RALGAPA1: variants seen among roughly 807,000 people sequenced by gnomAD.
RALGAPA1 encodes the protein Ral GTPase activating protein catalytic subunit alpha 1.
In RALGAPA1, 52 loss-of-function variants were observed where a neutral mutation model predicts 269.6. That is an observed-to-expected ratio of 0.19 (90% CI 0.15 to 0.24). The LOEUF (loss-of-function observed/expected upper bound fraction) is 0.24. Among genes scored for constraint, RALGAPA1 ranks in the 10% least tolerant of loss-of-function variants. RALGAPA1 has a pLI of 1.00. For synonymous variants in RALGAPA1, 817 were observed against 1,008.3 expected (o/e 0.81, Z 3.60); for missense variants, 1,917 against 3,013.9 (o/e 0.64, Z 8.52).
intron 36 of RALGAPA1, among the ~76,000 whole-genome samples, chr14:35,598,325 C>T (rs1171640328): frequency 1.3e-5 from 2 of 151,948 alleles, no homozygotes; most frequent in South Asian, 2.1e-4. Context: ...AATGCAGTCA[C>T]TCTGGCTTTT....
At position 35,689,407 on chromosome 14, in the gene RALGAPA1, G is replaced by A; in HGVS notation, c.3004C>T (p.Pro1002Ser). ...TCTTTCTGAAACTGTAGGTTTTCAG[G>A]AGTCCCAACAAAAGAGGTGATATTT... ...SENITSFVGT[P>S]ENLQFQKEPN... The change falls in exon 18 of 42, where the codon CCT becomes TCT. Residue 1002 changes from proline (P) to serine (S), a missense_variant. Pro to Ser is a moderately conservative substitution (Grantham distance 74). Transcript: ENST00000680220. 3.2e-6 allele frequency: 4 copies of A among 1,232,110 alleles called. No individual in the cohort carries two copies. The highest frequency in any genetic ancestry group is 4.0e-6 in the Non-Finnish European group (4 of 987,972). The allele number at this position is 1,232,110 out of a possible 1,614,324, so 76.3% of individuals were successfully genotyped here.
chr14:35,709,175 T>A (rs1373729643), intron 16 of RALGAPA1, among the ~76,000 whole-genome samples: 1 of 152,122 alleles, frequency 6.6e-6, no homozygotes, highest in African/African-American at 2.4e-5. Context: ...ACAGGGTGAC[T>A]ATAGCAAAAA....
chr14:35,715,111 A>T (rs2068699123), intron 16 of RALGAPA1, among the ~76,000 whole-genome samples: 1 of 151,928 alleles, frequency 6.6e-6, no homozygotes, highest in Non-Finnish European at 1.5e-5. Flanking sequence ...GTTTCTATAG[A>T]CTCATAGCTT....
At position 35,678,114 on chromosome 14, in the gene RALGAPA1, A is replaced by T; in HGVS notation, c.4472-12T>A. On this transcript the variant is annotated splice_polypyrimidine_tract_variant and intron_variant, in intron 21 of 41. Coordinates refer to ENST00000680220, the MANE Select transcript of RALGAPA1 (RefSeq NM_001346249.2). The stretch of plus-strand genomic sequence containing the variant: ...AGCACTTTCTGAACCTGTAAATATA[A>T]TTTCATAAAATTACCATAAAGAGTA... 6.3e-7 allele frequency: 1 copy of T among 1,595,900 alleles called. No individual in the cohort carries two copies. The highest frequency in any genetic ancestry group is 8.5e-7 in the Non-Finnish European group (1 of 1,175,178).
chr14:35,779,306 G>GT (rs2141609303), intron 1 of RALGAPA1, among the ~76,000 whole-genome samples: 1 of 152,186 alleles, frequency 6.6e-6, no homozygotes, highest in Non-Finnish European at 1.5e-5. Context: ...TGGGAGGGTT[G>GT]TTTGAGGCCA....
chr14:35,573,141 C>A (rs758335785), intron 37 of RALGAPA1, among the ~76,000 whole-genome samples: 5 of 152,110 alleles, frequency 3.3e-5, no homozygotes, highest in Non-Finnish European at 5.9e-5. Context: ...CCATGAAACT[C>A]AAAAATTCTT....
At chr14:35,716,348 A>G (rs925613229) in intron 16 of RALGAPA1, among the ~76,000 whole-genome samples, 3 of 143,938 alleles carry the variant, frequency 2.1e-5, no homozygotes. Flanking sequence ...CAGTGAGCTG[A>G]GATCGCACCA....
At chr14:35,776,720 A>G (rs1362452879) in intron 1 of RALGAPA1, among the ~76,000 whole-genome samples, 1 of 152,226 alleles carries the variant, frequency 6.6e-6, no homozygotes, top group Non-Finnish European at 1.5e-5. Flanking sequence ...AAGGACAGGA[A>G]GAACACTAGA....
chr14:35,682,027 T>C (rs2065485925), intron 21 of RALGAPA1, among the ~76,000 whole-genome samples: 1 of 152,234 alleles, frequency 6.6e-6, no homozygotes. Flanking sequence ...ATTCAATAAA[T>C]GAATATACTA....
At chr14:35,732,677 A>G (rs1233252250) in intron 12 of RALGAPA1, among the ~76,000 whole-genome samples, 1 of 152,238 alleles carries the variant, frequency 6.6e-6, no homozygotes, top group Non-Finnish European at 1.5e-5. Context: ...TAATGGTAAA[A>G]GGCCTTGTCC....
intron 31 of RALGAPA1, among the ~76,000 whole-genome samples, chr14:35,640,859 T>C (rs1013442435): frequency 1.3e-5 from 2 of 152,060 alleles, no homozygotes; most frequent in African/African-American, 4.8e-5. Context: ...AATTCAACAA[T>C]GCATTAGAAA....
chr14:35,657,337 C>G (rs2063243446), intron 28 of RALGAPA1, among the ~76,000 whole-genome samples: 1 of 151,722 alleles, frequency 6.6e-6, no homozygotes. Flanking sequence ...TACAGGGGCA[C>G]GCTACGACAC....
chr14:35,781,364 GA>G (rs576660620), intron 1 of RALGAPA1, among the ~76,000 whole-genome samples: 119 of 151,744 alleles, frequency 7.8e-4, no homozygotes, highest in Non-Finnish European at 1.1e-3. Context: ...ATTAGTGGGG[GA>G]AAAAAAACTA....
In RALGAPA1 at chr14:35,624,715, T is replaced by TA. The variant is rs1402846987; in HGVS notation, c.6929+645dup. Among the ~76,000 whole-genome samples the TA allele has an allele frequency of 3.9e-5, 6 of 152,286 alleles. No individual in the cohort carries two copies. The East Asian group carries it at 1.2e-3, about 29-fold the overall frequency. ...GATGTGGGAATGGTCTGAATCATCT[T>TA]ACTCACTATGCATTCCTATGGGTAG... On this transcript the variant is annotated intron_variant, in intron 35 of 41. Transcript: ENST00000680220.
chr14:35,645,942 GA>G (rs1341616044), intron 31 of RALGAPA1, among the ~76,000 whole-genome samples: 3 of 152,038 alleles, frequency 2.0e-5, no homozygotes, highest in African/African-American at 7.2e-5. Context: ...GGGGATTTAT[GA>G]AAAAGAAGCC....
At chr14:35,674,142 G>T in intron 24 of RALGAPA1, 38 bp downstream of exon 24, 1 of 1,437,544 alleles carries the variant, frequency 7.0e-7, no homozygotes, top group Non-Finnish European at 9.6e-7. Context: ...TTTAGTAAAT[G>T]AGAAGTTTTA....
chr14:35,695,336 A>T (rs546018065), intron 17 of RALGAPA1, among the ~76,000 whole-genome samples: 1 of 152,298 alleles, frequency 6.6e-6, no homozygotes, highest in African/African-American at 2.4e-5. Flanking sequence ...ACAGGAAAAA[A>T]TTCTTGATTG....
intron 1 of RALGAPA1, among the ~76,000 whole-genome samples, chr14:35,801,397 T>C (rs543652020): frequency 2.0e-5 from 3 of 152,194 alleles, no homozygotes; most frequent in East Asian, 1.9e-4. Flanking sequence ...GCCTCCCTAG[T>C]AGCTGGGACT....
chr14:35,744,341 A>G (rs2141184440), intron 10 of RALGAPA1, among the ~76,000 whole-genome samples: 1 of 150,144 alleles, frequency 6.7e-6, no homozygotes, highest in East Asian at 2.0e-4. Flanking sequence ...ACTGCACTCC[A>G]GCCTGGGCAA....
Sources: gnomAD v4.1 joint callset for allele counts (sites outside exome capture counted in the v4.1 genomes callset) on GRCh38, gnomAD v4.1.1 for gene constraint, MANE v1.5 for transcripts, NCBI Gene and HGNC (gene_info 2026-07-23, HGNC 2026-07-21) for gene names.